The following FNBP1 variants were observed in gnomAD, a reference collection of about 807,000 sequenced individuals.
FNBP1 encodes formin-binding protein 1.
Under a neutral mutation model 90.6 loss-of-function variants are expected in FNBP1, and 26 were observed. That is an observed-to-expected ratio of 0.29 (90% CI 0.21 to 0.40). The LOEUF (loss-of-function observed/expected upper bound fraction) is 0.40. FNBP1 is among the 10% of genes least tolerant of loss of function. The pLI is 1.00. For missense variants in FNBP1, 635 were observed against 768.0 expected (o/e 0.83, Z 2.05); for synonymous variants, 260 against 265.2 (o/e 0.98, Z 0.19).
At chr9:129,987,701 A>G (rs2052507208) in intron 2 of FNBP1, among the ~76,000 whole-genome samples, 1 of 151,856 alleles carries the variant, frequency 6.6e-6, no homozygotes, top group South Asian at 2.1e-4. Flanking sequence ...GGGTTTCACC[A>G]TGTTGGCCAG....
In FNBP1 at chr9:129,925,589, C is replaced by CTTTTTTTT. The variant is rs576015094; in HGVS notation, c.790-440_790-433dup. Among the ~76,000 whole-genome samples, 25 of 67,124 alleles carry CTTTTTTTT rather than the reference C, an allele frequency of 3.7e-4. 1 individual carries two copies. The highest frequency in any genetic ancestry group is 9.8e-4 in the African/African-American group (17 of 17,360). The allele number at this position is 67,124 out of a possible 152,430, so 44.0% of individuals were successfully genotyped here. Reference sequence around the variant, plus strand: ...TTGATAATAACTTTTTTCCTAGTAGCTTTTTTTTTTTTTTTTTTTTTTTTG... The same window carrying CTTTTTTTT: ...TTGATAATAACTTTTTTCCTAGTAGCTTTTTTTTTTTTTTTTTTTTTTTTTTTTTTTTG... On this transcript the variant is annotated intron_variant, in intron 8 of 16. Transcript: ENST00000446176.
intron 6 of FNBP1, among the ~76,000 whole-genome samples, chr9:129,931,177 T>C (rs933475204): frequency 5.3e-5 from 8 of 152,126 alleles, no homozygotes; most frequent in Admixed American, 3.9e-4. Context: ...GTGCCTATAG[T>C]TCCAGTTACT....
At chr9:129,956,070 G>A (rs1044705312) in intron 6 of FNBP1, among the ~76,000 whole-genome samples, 2 of 152,018 alleles carry the variant, frequency 1.3e-5, no homozygotes, top group African/African-American at 2.4e-5. Flanking sequence ...ATGGGGTCTC[G>A]TTATGTTGCC....
intron 2 of FNBP1, among the ~76,000 whole-genome samples, chr9:129,990,843 G>A (rs2053020376): frequency 6.6e-6 from 1 of 151,962 alleles, no homozygotes; most frequent in African/African-American, 2.4e-5. Flanking sequence ...GGATAAATCT[G>A]TAGAGAAGTC....
At chr9:129,986,090 C>T (rs980235418) in intron 2 of FNBP1, among the ~76,000 whole-genome samples, 3 of 150,770 alleles carry the variant, frequency 2.0e-5, no homozygotes, top group African/African-American at 4.9e-5. Context: ...GAGCTGAGAT[C>T]GTGCCACTGC....
intron 1 of FNBP1, among the ~76,000 whole-genome samples, chr9:130,009,928 G>A (rs754838725): frequency 6.7e-6 from 1 of 149,524 alleles, no homozygotes; most frequent in Non-Finnish European, 1.5e-5. Flanking sequence ...GCAATGAGCC[G>A]AGATTGTGCC....
intron 2 of FNBP1, among the ~76,000 whole-genome samples, chr9:129,979,711 C>G (rs1330711007): frequency 6.6e-6 from 1 of 152,084 alleles, no homozygotes; most frequent in Non-Finnish European, 1.5e-5. Context: ...GTGATCTCAG[C>G]TCATTGCAAC....
At chr9:130,029,644 A>G (rs2058636054) in intron 1 of FNBP1, among the ~76,000 whole-genome samples, 1 of 152,190 alleles carries the variant, frequency 6.6e-6, no homozygotes, top group South Asian at 2.1e-4. Context: ...AAACAGTGCT[A>G]CCTAAGCCAC....
At chr9:129,907,520 C>T (rs903807125) in intron 12 of FNBP1, among the ~76,000 whole-genome samples, 3 of 151,774 alleles carry the variant, frequency 2.0e-5, no homozygotes, top group Admixed American at 6.6e-5. Flanking sequence ...CTCTGTTGCC[C>T]AAGGTGGAAT....
At chr9:129,893,329 C>T (rs908244912) in intron 16 of FNBP1, among the ~76,000 whole-genome samples, 4 of 151,598 alleles carry the variant, frequency 2.6e-5, no homozygotes, top group Non-Finnish European at 1.5e-5. Flanking sequence ...TTGGGCCTGG[C>T]ACGGTGGCTC....
At chr9:129,975,732 T>C (rs758835499) in intron 4 of FNBP1, among the ~76,000 whole-genome samples, 13 of 151,760 alleles carry the variant, frequency 8.6e-5, no homozygotes, top group Non-Finnish European at 1.9e-4. Context: ...TGAAACCCTA[T>C]CTCTACCAAA....
chr9:129,899,092 T>G (rs187589835), intron 15 of FNBP1, among the ~76,000 whole-genome samples: 3,804 of 151,926 alleles, frequency 0.025, 95 homozygotes, highest in Non-Finnish European at 0.031. Context: ...TTTTTTTTTT[T>G]TTTGAGACAG....
chr9:129,895,627 G>T, intron 16 of FNBP1: 1 of 1,238,304 alleles, frequency 8.1e-7, no homozygotes. Flanking sequence ...AATTTCATCA[G>T]CAAGTGAAAC....
chr9:130,000,651 T>C (rs1276315337), intron 1 of FNBP1, among the ~76,000 whole-genome samples: 1 of 152,166 alleles, frequency 6.6e-6, no homozygotes, highest in Non-Finnish European at 1.5e-5. Context: ...TCTTTAATAT[T>C]TGGAAGCTGT....
At chr9:130,029,443 T>C (rs573726630) in intron 1 of FNBP1, among the ~76,000 whole-genome samples, 30 of 152,332 alleles carry the variant, frequency 2.0e-4, no homozygotes, top group Admixed American at 5.2e-4. Flanking sequence ...AATTAATGAA[T>C]GATGACTTAT....
intron 2 of FNBP1, among the ~76,000 whole-genome samples, chr9:129,993,485 A>AC (rs2053524251): frequency 6.6e-6 from 1 of 150,518 alleles, no homozygotes; most frequent in African/African-American, 2.4e-5. Flanking sequence ...TACTTAAAAA[A>AC]AAAAAAAAAA....
chr9:130,049,991 G>C, the FNBP1 span, among the ~76,000 whole-genome samples: 134 of 152,224 alleles, frequency 8.8e-4, 1 homozygote, highest in African/African-American at 3.1e-3. Context: ...ATCTTCCCCA[G>C]TAGCTGGGAA....
rs2034880992 is a variant in FNBP1, at chr9:129,888,632, AG to A, written c.*1906del. 1 of 233,026 alleles carries A rather than the reference AG, an allele frequency of 4.3e-6. No individual in the cohort carries two copies. The highest frequency in any genetic ancestry group is 5.6e-5 in the Admixed American group (1 of 17,770). The allele number at this position is 233,026 out of a possible 1,614,324, so 14.4% of individuals were successfully genotyped here. On this transcript the variant is annotated 3_prime_UTR_variant, in exon 17 of 17. Transcript: ENST00000446176. ...TCCCCCCCGGGGAAGAAGCAGTCAG[AG>A]AGGCTCACGCTCACCTACTTTAAAA...
intron 1 of FNBP1, among the ~76,000 whole-genome samples, chr9:130,027,805 G>C (rs111456734): frequency 6.6e-6 from 1 of 152,052 alleles, no homozygotes; most frequent in Non-Finnish European, 1.5e-5. Context: ...TGGCTTCTCC[G>C]TATGTCTCTC....
Sources: gnomAD v4.1 joint callset for allele counts (sites outside exome capture counted in the v4.1 genomes callset) on GRCh38, gnomAD v4.1.1 for gene constraint, MANE v1.5 for transcripts, NCBI Gene and HGNC (gene_info 2026-07-23, HGNC 2026-07-21) for gene names.